SYT10: variants seen among roughly 807,000 people sequenced by gnomAD.
The protein encoded by SYT10 is synaptotagmin 10, also known as synaptotagmin-10.
SYT10 carries 31 observed loss-of-function variants against 51.1 expected under a neutral mutation model. The ratio of observed to expected loss-of-function variants is 0.61; its 90% confidence interval spans 0.46 to 0.82. The LOEUF is 0.82. Ranked by LOEUF, SYT10 falls within the 40% of genes least tolerant of loss-of-function variation. The pLI, the probability that SYT10 is intolerant of heterozygous loss-of-function variation, is 0.00. For synonymous variants in SYT10, 233 were observed against 225.9 expected, an observed-to-expected ratio of 1.03 and a Z score of -0.28; for missense variants, 603 against 634.0, an observed-to-expected ratio of 0.95 and a Z score of 0.53.
At chr12:33,430,248 C>G (rs1217210728) in intron 1 of SYT10, among the ~76,000 whole-genome samples, 4 of 152,180 alleles carry the variant, frequency 2.6e-5, no homozygotes, top group Non-Finnish European at 5.9e-5. Flanking sequence ...ACATTTTACT[C>G]TTTTATCATG....
At position 33,410,080 on chromosome 12, in the gene SYT10, T is replaced by C. The variant is rs192717388; in HGVS notation, c.510-2724A>G. 2.2e-4 allele frequency among the ~76,000 whole-genome samples: 34 copies of C among 152,340 alleles called. No individual in the cohort carries two copies. The Middle Eastern group carries it at 0.01, about 46-fold the overall frequency. ...GTTAGATGCTGAAGAAAAATATTTC[T>C]GCCTCACATAAGATTTTGGCAAGTC... On this transcript the variant is annotated intron_variant, in intron 2 of 6. Transcript: ENST00000228567.
At position 33,376,686 on chromosome 12, in the gene SYT10, TA is replaced by T; in HGVS notation, c.*143del. 1.1e-6 allele frequency: 1 copy of T among 878,346 alleles called. No homozygotes were observed. The allele number at this position is 878,346 out of a possible 1,614,324, so 54.4% of individuals were successfully genotyped here. ...ATGTTCAAAGTTAAAAAATCAACAA[TA>T]AAAGCAAATAAAAAAGTGCACATCA... is the stretch of plus-strand genomic sequence containing the variant. On this transcript the variant is annotated 3_prime_UTR_variant, in exon 7 of 7. Transcript: ENST00000228567.
rs906413141 is a variant in SYT10, at chr12:33,376,157, C to T, written c.*673G>A. 1.3e-5 allele frequency: 2 copies of T among 152,100 alleles called. No homozygotes were observed. Among genetic ancestry groups the T allele is most frequent in the African/African-American group, 4.8e-5 (2 of 41,426 alleles). The allele number at this position is 152,100 out of a possible 1,614,324, so 9.4% of individuals were successfully genotyped here. A position where few individuals can be genotyped will look rare whatever the true frequency, so the allele number is the denominator to read the frequency against. Reference sequence around the variant, plus strand: ...ATGGTAGCCACAATGGCTCAGCCTCCGTTTTTCAGCCAATAAGTATTACTT... The same window carrying T: ...ATGGTAGCCACAATGGCTCAGCCTCTGTTTTTCAGCCAATAAGTATTACTT... On this transcript the variant is annotated 3_prime_UTR_variant, in exon 7 of 7. Transcript: ENST00000228567.
chr12:33,429,034 T>G (rs1866576343), intron 1 of SYT10, among the ~76,000 whole-genome samples: 1 of 152,116 alleles, frequency 6.6e-6, no homozygotes, highest in Admixed American at 6.5e-5. Flanking sequence ...GTGGAGTTGA[T>G]GAAGGTGTTT....
intron 1 of SYT10, among the ~76,000 whole-genome samples, chr12:33,428,922 A>G (rs2138435408): frequency 6.6e-6 from 1 of 151,978 alleles, no homozygotes; most frequent in East Asian, 1.9e-4. Context: ...AAAAAAAAAA[A>G]AAGACTGGCA....
chr12:33,427,673 G>T (rs1396162001), intron 1 of SYT10, among the ~76,000 whole-genome samples: 2 of 152,168 alleles, frequency 1.3e-5, no homozygotes, highest in Non-Finnish European at 2.9e-5. Context: ...TAGCAATTAT[G>T]ACTAATCATT....
At chr12:33,417,589 T>C (rs1001680490) in intron 2 of SYT10, among the ~76,000 whole-genome samples, 4 of 152,250 alleles carry the variant, frequency 2.6e-5, no homozygotes, top group Admixed American at 2.6e-4. Context: ...TCTCAAAAGA[T>C]TGAGAGGGAA....
chr12:33,426,401 T>C lies in SYT10; in HGVS notation c.246A>G (p.Pro82=), dbSNP rs1386480858. ...SLFVFWKLCW[P]CWKSKPVTSN... ...AAGTCACAGGTTTGCTTTTCCAGCA[T>C]GGCCAACACAGCTTCCAGAAGACAA... Residue 82 remains proline, a synonymous_variant, in exon 2 of 7, where the codon CCA becomes CCG. Coordinates refer to ENST00000228567, the MANE Select transcript of SYT10 (RefSeq NM_198992.4). The C allele has an allele frequency of 6.2e-7, 1 of 1,614,084 alleles. No individual in the cohort carries two copies. Among genetic ancestry groups the C allele is most frequent in the East Asian group, 2.2e-5 (1 of 44,876 alleles).
In SYT10 at chr12:33,428,552, T is replaced by C. The variant is rs536442777; in HGVS notation, c.152-2057A>G. On this transcript the variant is annotated intron_variant, in intron 1 of 6. Coordinates refer to ENST00000228567, the MANE Select transcript of SYT10 (RefSeq NM_198992.4). ...ACCATTAACTTTAACAAGTATATCT[T>C]TAGTGAATTCTATGAGACCAGTGAA... Among the ~76,000 whole-genome samples, 14 of 152,298 alleles carry C rather than the reference T, an allele frequency of 9.2e-5. 1 individual carries two copies. The highest frequency in any genetic ancestry group is 3.4e-4 in the African/African-American group (14 of 41,568).
chr12:33,431,606 T>C (rs562228267), intron 1 of SYT10, among the ~76,000 whole-genome samples: 2 of 152,326 alleles, frequency 1.3e-5, no homozygotes, highest in Non-Finnish European at 2.9e-5. Context: ...TTTGCATTTT[T>C]GAAATCAGAA....
chr12:33,426,539 TA>T (rs1244102606), intron 1 of SYT10, 44 bp from the exon 2 acceptor site: 3 of 1,412,252 alleles, frequency 2.1e-6, no homozygotes, highest in Non-Finnish European at 2.8e-6. Context: ...ATATTGTACA[TA>T]AAAAAGCAGA....
At chr12:33,423,943 G>C in intron 2 of SYT10, 1 of 455,878 alleles carries the variant, frequency 2.2e-6, no homozygotes, top group Non-Finnish European at 4.4e-6. Flanking sequence ...ATCAGGAAGG[G>C]TGCCTTGGCA....
intron 3 of SYT10, among the ~76,000 whole-genome samples, chr12:33,394,487 A>C (rs1386695901): frequency 2.6e-5 from 4 of 152,236 alleles, no homozygotes; most frequent in African/African-American, 4.8e-5. Context: ...TTAGCAGTCG[A>C]GTGGATAACA....
chr12:33,422,908 G>A (rs1866517851), intron 2 of SYT10, among the ~76,000 whole-genome samples: 2 of 152,068 alleles, frequency 1.3e-5, no homozygotes, highest in African/African-American at 4.8e-5. Flanking sequence ...GATCCTTAGA[G>A]TTTTTGGAGT....
intron 2 of SYT10, among the ~76,000 whole-genome samples, chr12:33,423,303 A>AGT (rs139986432): frequency 0.052 from 7,737 of 149,598 alleles, 348 homozygotes; most frequent in African/African-American, 0.12. Context: ...AGTTAAATTC[A>AGT]GTGTGTGTGT....
At chr12:33,429,028 A>T (rs1172190768) in intron 1 of SYT10, among the ~76,000 whole-genome samples, 8 of 152,052 alleles carry the variant, frequency 5.3e-5, no homozygotes, top group South Asian at 2.1e-4. Context: ...CAGCACGTGG[A>T]GTTGATGAAG....
chr12:33,389,467 T>G (rs554641485), intron 3 of SYT10, among the ~76,000 whole-genome samples: 1 of 152,230 alleles, frequency 6.6e-6, no homozygotes, highest in East Asian at 1.9e-4. Context: ...AATAATGATG[T>G]TAATGAAAAT....
chr12:33,403,263 C>T (rs1284062609), intron 3 of SYT10, among the ~76,000 whole-genome samples: 1 of 146,894 alleles, frequency 6.8e-6, no homozygotes, highest in Non-Finnish European at 1.5e-5. Context: ...GACAGAGTCT[C>T]ACTCTGTTGC....
chr12:33,425,078 A>G (rs1311459325), intron 2 of SYT10, among the ~76,000 whole-genome samples: 3 of 152,136 alleles, frequency 2.0e-5, no homozygotes, highest in Non-Finnish European at 4.4e-5. Context: ...CAAAATACAT[A>G]TTGAATAGCC....
Sources: gnomAD v4.1 joint callset for allele counts (sites outside exome capture counted in the v4.1 genomes callset) on GRCh38, gnomAD v4.1.1 for gene constraint, MANE v1.5 for transcripts, NCBI Gene and HGNC (gene_info 2026-07-23, HGNC 2026-07-21) for gene names.